Variants in GREB1L observed in about 807,000 individuals in gnomAD.
The protein encoded by GREB1L is GREB1 like retinoic acid receptor coactivator.
Under a neutral mutation model 200.8 loss-of-function variants are expected in GREB1L, and 17 were observed. That is an observed-to-expected ratio of 0.08 (90% confidence interval 0.06 to 0.13). GREB1L has a LOEUF of 0.13. Among genes scored for constraint, GREB1L ranks in the 10% least tolerant of loss-of-function variants. The pLI is 1.00. For missense variants in GREB1L, 1,657 were observed against 2,367.7 expected (o/e 0.70, Z 6.23); for synonymous variants, 789 against 893.0 (o/e 0.88, Z 2.08).
At chr18:21,334,974 T>G (rs1267474930) in intron 1 of GREB1L, among the ~76,000 whole-genome samples, 1 of 152,188 alleles carries the variant, frequency 6.6e-6, no homozygotes, top group Non-Finnish European at 1.5e-5. Context: ...AGCCTACCAT[T>G]AAAAGAGAAC....
chr18:21,383,416 G>A, intron 2 of GREB1L, 94 bp from the exon 3 acceptor site: 1 of 893,882 alleles, frequency 1.1e-6, no homozygotes, highest in South Asian at 2.0e-5. Context: ...AAGATATATG[G>A]ACATAGTTTA....
rs141334711 is a variant in GREB1L at position 21,342,436 on chromosome 18, T to G, written c.-119-23591T>G. ...CTGATGATCTAATGAAGACAATTTC[T>G]TAATGTGCCAAAATGAGTTCTTTGT... On this transcript the variant is annotated intron_variant, in intron 1 of 32. Coordinates refer to ENST00000424526, the MANE Select transcript of GREB1L (RefSeq NM_001142966.3). 1.6e-3 allele frequency among the ~76,000 whole-genome samples: 248 copies of G among 152,330 alleles called. 1 individual carries two copies. The highest frequency in any genetic ancestry group is 5.8e-3 in the African/African-American group (242 of 41,572).
intron 16 of GREB1L, among the ~76,000 whole-genome samples, chr18:21,475,735 G>A (rs535218760): frequency 2.8e-4 from 42 of 152,008 alleles, no homozygotes; most frequent in Non-Finnish European, 4.4e-4. Flanking sequence ...GAGAAGCCAA[G>A]GTGGGTGGAT....
In GREB1L at chr18:21,403,481, T is replaced by C. The variant is rs1382220972; in HGVS notation, c.710-391T>C. Among the ~76,000 whole-genome samples the C allele has an allele frequency of 9.8e-5, 15 of 152,354 alleles. No individual in the cohort carries two copies. The East Asian group carries it at 2.9e-3, about 29-fold the overall frequency. On this transcript the variant is annotated intron_variant, in intron 6 of 32. Coordinates refer to ENST00000424526, the MANE Select transcript of GREB1L (RefSeq NM_001142966.3). Reference sequence around the variant, plus strand: ...GCAGCCTAGACAGACCCTAGGTTACTGTTCTACATTTAAACCAATCCCAGG... The same window carrying C: ...GCAGCCTAGACAGACCCTAGGTTACCGTTCTACATTTAAACCAATCCCAGG...
Position 21,403,944 on chromosome 18 carries a change from C to G in GREB1L, c.782C>G (p.Thr261Ser). 1 of 1,550,704 alleles carries G rather than the reference C, an allele frequency of 6.4e-7. No individual in the cohort carries two copies. Among genetic ancestry groups the G allele is most frequent in the Non-Finnish European group, 8.7e-7 (1 of 1,145,774 alleles). Residue 261 changes from threonine to serine, a missense_variant, in exon 7 of 33, where the codon ACC (threonine) becomes AGC (serine). By Grantham distance (58) the Thr-to-Ser change is moderately conservative (BLOSUM62 1). Around this residue, in one of 9 missense-constraint regions of GREB1L, gnomAD observed 289 missense variants for 345.1 expected, o/e 0.84. Transcript: ENST00000424526. ...KPSSSVSSTVTPENGTTNGYK... is the reference protein window; with the variant it reads ...KPSSSVSSTVSPENGTTNGYK... ...AGCTCTTCAGTGTCGTCAACTGTGA[C>G]CCCAGAAAATGGGACAACTAATGGA...
At chr18:21,299,547 C>CT (rs1208718768) in intron 1 of GREB1L, among the ~76,000 whole-genome samples, 1 of 133,740 alleles carries the variant, frequency 7.5e-6, no homozygotes, top group African/African-American at 2.8e-5. Flanking sequence ...TTCTTTCTTT[C>CT]TTTCCCCTCT....
At chr18:21,288,451 T>C (rs1161043538) in intron 1 of GREB1L, among the ~76,000 whole-genome samples, 1 of 152,124 alleles carries the variant, frequency 6.6e-6, no homozygotes, top group African/African-American at 2.4e-5. Flanking sequence ...AATTAATGAA[T>C]AGTGGTAAGC....
At chr18:21,449,892 A>G (rs1366382301) in intron 12 of GREB1L, 56 bp downstream of exon 12, 16 of 1,326,884 alleles carry the variant, frequency 1.2e-5, no homozygotes, top group South Asian at 1.5e-5. Context: ...CCATTTTTCC[A>G]TTTAAAAATG....
intron 7 of GREB1L, among the ~76,000 whole-genome samples, chr18:21,432,962 C>T (rs561441517): frequency 7.2e-5 from 11 of 152,218 alleles, no homozygotes; most frequent in Admixed American, 6.5e-4. Flanking sequence ...CCGCCTTGGC[C>T]TCCCAAAGTG....
Position 21,522,741 on chromosome 18 carries a change from T to C in GREB1L, c.5692T>C (p.Phe1898Leu). Residue 1898 changes from phenylalanine to leucine, a missense_variant, in exon 33 of 33, where the codon TTC (phenylalanine) becomes CTC (leucine). Around this residue, in one of 9 missense-constraint regions of GREB1L, gnomAD observed 190 missense variants for 230.2 expected, o/e 0.83. Coordinates refer to ENST00000424526, the MANE Select transcript of GREB1L (RefSeq NM_001142966.3). ...VRLELEDEWQ[F>L]RLRDEFQTAN... ...CTTAGAGCTAGAAGATGAGTGGCAG[T>C]TCCGCCTCCGGGACGAGTTTCAAAC... 6.4e-7 allele frequency: 1 copy of C among 1,551,710 alleles called. No individual in the cohort carries two copies. Among genetic ancestry groups the C allele is most frequent in the Non-Finnish European group, 8.7e-7 (1 of 1,146,962 alleles).
intron 21 of GREB1L, 44 bp from the exon 22 acceptor site, chr18:21,499,684 AG>A (rs768455001): frequency 7.2e-7 from 1 of 1,384,564 alleles, no homozygotes; most frequent in South Asian, 1.3e-5. Context: ...ACCCTAGATC[AG>A]TAACAGAGCT....
intron 1 of GREB1L, among the ~76,000 whole-genome samples, chr18:21,288,794 A>G (rs1312147253): frequency 1.3e-5 from 2 of 151,460 alleles, no homozygotes; most frequent in East Asian, 3.9e-4. Flanking sequence ...TTGGAATGCA[A>G]TGGTGCGATT....
intron 1 of GREB1L, among the ~76,000 whole-genome samples, chr18:21,279,191 C>A (rs116265380): frequency 6.6e-6 from 1 of 151,790 alleles, no homozygotes; most frequent in African/African-American, 2.4e-5. Context: ...ATCTATAATC[C>A]CACCAACTTC....
intron 1 of GREB1L, among the ~76,000 whole-genome samples, chr18:21,245,957 C>T (rs1041479421): frequency 2.0e-5 from 3 of 152,148 alleles, no homozygotes; most frequent in African/African-American, 7.2e-5. Flanking sequence ...ATCTCGACCT[C>T]GTGATCTGCC....
intron 1 of GREB1L, among the ~76,000 whole-genome samples, chr18:21,297,706 G>A (rs2038553017): frequency 6.6e-6 from 1 of 152,206 alleles, no homozygotes; most frequent in Non-Finnish European, 1.5e-5. Flanking sequence ...AGTCTTCAGA[G>A]CAAAGCTTGG....
chr18:21,284,166 A>G (rs1210126429), intron 1 of GREB1L, among the ~76,000 whole-genome samples: 3 of 152,208 alleles, frequency 2.0e-5, no homozygotes, highest in African/African-American at 4.8e-5. Flanking sequence ...GTTAAAATAA[A>G]AAAAAAGCTC....
chr18:21,269,166 A>C (rs2038038947), intron 1 of GREB1L, among the ~76,000 whole-genome samples: 1 of 152,176 alleles, frequency 6.6e-6, no homozygotes, highest in African/African-American at 2.4e-5. Context: ...CTAGAGTGCA[A>C]AGCGATCTCA....
At chr18:21,334,148 G>A (rs541734494) in intron 1 of GREB1L, among the ~76,000 whole-genome samples, 15 of 152,196 alleles carry the variant, frequency 9.9e-5, no homozygotes, top group Admixed American at 5.2e-4. Flanking sequence ...TAAAATGTGC[G>A]TTAAATATTA....
chr18:21,281,813 ACT>A lies in GREB1L; in HGVS notation c.-120+39423_-120+39424del, dbSNP rs142747646. ...ACTGGATTGTGGTAATGGTTGCATA[ACT>A]CTACAAATTTGTGGAAAACTTTTGA... is the stretch of plus-strand genomic sequence containing the variant. On this transcript the variant is annotated intron_variant, in intron 1 of 32. Transcript: ENST00000424526. 3.1e-3 allele frequency among the ~76,000 whole-genome samples: 469 copies of A among 152,290 alleles called. 3 individuals are homozygous for A. The highest frequency in any genetic ancestry group is 5.5e-3 in the Non-Finnish European group (371 of 68,024).
Sources: gnomAD v4.1 joint callset for allele counts (sites outside exome capture counted in the v4.1 genomes callset) on GRCh38, gnomAD v4.1.1 for gene constraint, gnomAD v4.1.1 regional missense constraint, MANE v1.5 for transcripts, NCBI Gene and HGNC (gene_info 2026-07-23, HGNC 2026-07-21) for gene names.